MICU3: variants seen among roughly 807,000 people sequenced by gnomAD.
The protein encoded by MICU3 is mitochondrial calcium uptake 3, also known as calcium uptake protein 3, mitochondrial.
MICU3 carries 62 observed loss-of-function variants against 66.5 expected under a neutral mutation model. The observed-to-expected ratio is 0.93, with a 90% CI of 0.76 to 1.15. MICU3 has a LOEUF of 1.15. MICU3 is among the 50% of genes most tolerant of loss of function. The pLI is 0.00. For missense variants in MICU3, 779 were observed against 664.4 expected, an observed-to-expected ratio of 1.17 and a Z score of -1.90; for synonymous variants, 308 against 240.7, an observed-to-expected ratio of 1.28 and a Z score of -2.59.
chr8:17,072,582 G>A (rs905113186), intron 3 of MICU3, among the ~76,000 whole-genome samples: 1 of 152,070 alleles, frequency 6.6e-6, no homozygotes, highest in Non-Finnish European at 1.5e-5. Context: ...TGATGGATGG[G>A]AGGATATGCA....
chr8:17,105,485 C>A lies in MICU3; in HGVS notation c.1158C>A (p.Ile386=). The change falls in exon 11 of 15, where the codon ATC becomes ATA. Residue 386 remains isoleucine (I), a synonymous_variant. Coordinates refer to ENST00000318063, the MANE Select transcript of MICU3 (RefSeq NM_181723.3). ...FLSYSNGMNT[I]SEEDFAHILL... is the part of the protein sequence containing the mutation. ...CCTACTCAAATGGAATGAATACCAT[C>A]AGTGAAGAAGATTTTGCTCATATTC... 6.4e-7 allele frequency: 1 copy of A among 1,571,260 alleles called. No homozygotes were observed.
intron 14 of MICU3, among the ~76,000 whole-genome samples, chr8:17,119,420 G>T (rs1488791506): frequency 2.6e-5 from 4 of 151,882 alleles, no homozygotes; most frequent in Non-Finnish European, 5.9e-5. Context: ...ATTTTGGTCA[G>T]TTGTGGGTTT....
chr8:17,056,173 G>T (rs1346764806), intron 1 of MICU3, among the ~76,000 whole-genome samples: 1 of 152,202 alleles, frequency 6.6e-6, no homozygotes, highest in Admixed American at 6.5e-5. Context: ...GGATCCCAGT[G>T]ACCTTATGTC....
chr8:17,066,090 G>A (rs1028683292), intron 2 of MICU3, among the ~76,000 whole-genome samples: 7 of 151,228 alleles, frequency 4.6e-5, no homozygotes, highest in African/African-American at 9.7e-5. Flanking sequence ...TTTTATTTAC[G>A]AATTTTAAGG....
chr8:17,098,221 G>A (rs1282178177), intron 8 of MICU3, among the ~76,000 whole-genome samples: 1 of 151,450 alleles, frequency 6.6e-6, no homozygotes, highest in Non-Finnish European at 1.5e-5. Context: ...GATTCTTTTC[G>A]ACAAAGCTAC....
At chr8:17,138,475 C>G in the MICU3 span, among the ~76,000 whole-genome samples, 1 of 152,076 alleles carries the variant, frequency 6.6e-6, no homozygotes, top group African/African-American at 2.4e-5. Flanking sequence ...AAATGATGAA[C>G]AACAGCTGCA....
chr8:17,108,274 A>G (rs1006858557), intron 11 of MICU3, among the ~76,000 whole-genome samples: 32 of 152,092 alleles, frequency 2.1e-4, no homozygotes, highest in Non-Finnish European at 4.4e-5. Context: ...GGATATGTGA[A>G]TCTAGCGGTC....
At chr8:17,133,886 A>G in the MICU3 span, among the ~76,000 whole-genome samples, 4 of 152,174 alleles carry the variant, frequency 2.6e-5, no homozygotes, top group African/African-American at 4.8e-5. Context: ...CTTCATTTGG[A>G]CTATCTGGCT....
chr8:17,062,373 T>C (rs965214963), intron 1 of MICU3, among the ~76,000 whole-genome samples: 2 of 152,182 alleles, frequency 1.3e-5, no homozygotes, highest in Non-Finnish European at 2.9e-5. Context: ...TGATATTCAT[T>C]CCTTAAAGAC....
chr8:17,062,894 A>T (rs182116143), intron 1 of MICU3, among the ~76,000 whole-genome samples: 118 of 152,022 alleles, frequency 7.8e-4, no homozygotes, highest in Non-Finnish European at 1.5e-3. Flanking sequence ...AAAAAAAAGA[A>T]CTTATCCTGA....
chr8:17,134,294 T>A, the MICU3 span: 3 of 152,192 alleles, frequency 2.0e-5, no homozygotes, highest in African/African-American at 4.8e-5. Context: ...ATTTCAATCC[T>A]AAAGCCTGAG....
intron 1 of MICU3, among the ~76,000 whole-genome samples, chr8:17,047,644 CAG>C (rs752806997): frequency 2.6e-5 from 4 of 152,162 alleles, no homozygotes; most frequent in African/African-American, 4.8e-5. Context: ...TCGCAACAGA[CAG>C]AAGCCAGAGG....
At chr8:17,116,155 A>G (rs1191277370) in intron 12 of MICU3, among the ~76,000 whole-genome samples, 3 of 152,172 alleles carry the variant, frequency 2.0e-5, no homozygotes, top group African/African-American at 4.8e-5. Flanking sequence ...TTGAAAACCT[A>G]TTCATCTTAC....
the MICU3 span, among the ~76,000 whole-genome samples, chr8:17,129,408 A>C: frequency 6.6e-6 from 1 of 152,222 alleles, no homozygotes; most frequent in South Asian, 2.1e-4. Context: ...AAGTAAAAAT[A>C]ATAGCATAAT....
chr8:17,035,740 A>G (rs1260154300), intron 1 of MICU3, among the ~76,000 whole-genome samples: 2 of 152,192 alleles, frequency 1.3e-5, no homozygotes, highest in African/African-American at 4.8e-5. Flanking sequence ...AGTTATGTTT[A>G]AAAGGGGAGC....
intron 2 of MICU3, among the ~76,000 whole-genome samples, chr8:17,069,437 A>C (rs1289691088): frequency 2.6e-5 from 4 of 152,144 alleles, no homozygotes; most frequent in African/African-American, 9.6e-5. Context: ...GCCCAAATTA[A>C]GATGATACGG....
the MICU3 span, chr8:17,131,731 G>A: frequency 2.0e-5 from 3 of 152,410 alleles, no homozygotes; most frequent in East Asian, 3.9e-4. Context: ...ACAGCCTAGA[G>A]AGTGAATCAT....
chr8:17,093,166 T>A (rs979529968), intron 8 of MICU3, among the ~76,000 whole-genome samples: 2 of 152,068 alleles, frequency 1.3e-5, no homozygotes, highest in African/African-American at 2.4e-5. Flanking sequence ...GTGATTCTTT[T>A]CCTATTTCTC....
Position 17,027,266 on chromosome 8 carries a change from G to A in MICU3, c.-14G>A. On this transcript the variant is annotated 5_prime_UTR_variant, in exon 1 of 15. Coordinates refer to ENST00000318063, the MANE Select transcript of MICU3 (RefSeq NM_181723.3). ...CTCTGCCCCCTCCCAGCTCTGGTGT[G>A]GGCGGCCTCCGCTATGGCTGCGCTG... The A allele has an allele frequency of 8.0e-7, 1 of 1,242,822 alleles. No homozygotes were observed. Among genetic ancestry groups the A allele is most frequent in the Non-Finnish European group, 1.0e-6 (1 of 994,026 alleles). The allele number at this position is 1,242,822 out of a possible 1,614,324, so 77.0% of individuals were successfully genotyped here.
Sources: gnomAD v4.1 joint callset for allele counts (sites outside exome capture counted in the v4.1 genomes callset) on GRCh38, gnomAD v4.1.1 for gene constraint, MANE v1.5 for transcripts, NCBI Gene and HGNC (gene_info 2026-07-23, HGNC 2026-07-21) for gene names.